The following PITPNC1 variants were observed in gnomAD, a reference collection of about 807,000 sequenced individuals.
PITPNC1 encodes the protein phosphatidylinositol transfer protein cytoplasmic 1, also known as cytoplasmic phosphatidylinositol transfer protein 1.
PITPNC1 carries 18 observed loss-of-function variants against 44.7 expected under a neutral mutation model. The ratio of observed to expected loss-of-function variants is 0.40; its 90% CI spans 0.28 to 0.60. PITPNC1 has a LOEUF of 0.60. Among genes scored for constraint, PITPNC1 ranks in the 20% least tolerant of loss-of-function variants. The pLI is 0.39. For missense variants in PITPNC1, 290 were observed against 418.4 expected (o/e 0.69, Z 2.68); for synonymous variants, 141 against 149.6 (o/e 0.94, Z 0.42).
chr17:67,447,733 G>A (rs1481923984), intron 1 of PITPNC1, among the ~76,000 whole-genome samples: 2 of 151,966 alleles, frequency 1.3e-5, no homozygotes, highest in Non-Finnish European at 2.9e-5. Flanking sequence ...GGTCTTACGC[G>A]ACAGTCCTTG....
At position 67,696,335 on chromosome 17, in the gene PITPNC1, T is replaced by A. The variant is rs535103155; in HGVS notation, c.*3447T>A. 1 of 152,360 alleles carries A rather than the reference T, an allele frequency of 6.6e-6. No homozygotes were observed. Among genetic ancestry groups the A allele is most frequent in the South Asian group, 2.1e-4 (1 of 4,830 alleles). The allele number at this position is 152,360 out of a possible 1,614,324, so 9.4% of individuals were successfully genotyped here. Reference sequence around the variant, plus strand: ...GGGCTAATGTATTTATGTGTATTTTTAAATTCTACTTTCTTTGGCATCTCT... The same window carrying A: ...GGGCTAATGTATTTATGTGTATTTTAAAATTCTACTTTCTTTGGCATCTCT... On this transcript the variant is annotated 3_prime_UTR_variant, in exon 9 of 9. Transcript: ENST00000581322.
chr17:67,386,544 C>T (rs2038056965), intron 1 of PITPNC1, among the ~76,000 whole-genome samples: 2 of 152,206 alleles, frequency 1.3e-5, no homozygotes, highest in African/African-American at 2.4e-5. Flanking sequence ...AGCTTCCCCT[C>T]TCCTAGGGAT....
At chr17:67,621,357 G>C (rs1220556718) in intron 5 of PITPNC1, among the ~76,000 whole-genome samples, 2 of 151,900 alleles carry the variant, frequency 1.3e-5, no homozygotes, top group Non-Finnish European at 2.9e-5. Flanking sequence ...ATAGGTGTGT[G>C]CTGCCACACC....
At chr17:67,421,016 T>G (rs143347479) in intron 1 of PITPNC1, among the ~76,000 whole-genome samples, 147 of 152,240 alleles carry the variant, frequency 9.7e-4, no homozygotes, top group African/African-American at 3.5e-3. Flanking sequence ...TCCAGTCTCT[T>G]TTGGGGGATC....
intron 5 of PITPNC1, among the ~76,000 whole-genome samples, chr17:67,616,865 C>T (rs1445255554): frequency 6.6e-6 from 1 of 152,150 alleles, no homozygotes; most frequent in Non-Finnish European, 1.5e-5. Context: ...TGTTAAACTT[C>T]GCAGATGAGC....
At chr17:67,614,095 A>AG (rs376345828) in intron 5 of PITPNC1, among the ~76,000 whole-genome samples, 44 of 151,760 alleles carry the variant, frequency 2.9e-4, no homozygotes, top group African/African-American at 1.0e-3. Context: ...TCAAAAAAAA[A>AG]GAAAAGAAAA....
rs71139161 is a variant in PITPNC1 at position 67,599,035 on chromosome 17, T to TATATATATATATATATATA, written c.366+20778_366+20779insATATATATATATATATATA. Among the ~76,000 whole-genome samples, 61 of 28,778 alleles carry TATATATATATATATATATA rather than the reference T, an allele frequency of 2.1e-3. 3 individuals are homozygous for TATATATATATATATATATA. The highest frequency in any genetic ancestry group is 4.9e-3 in the South Asian group (3 of 618). The allele number at this position is 28,778 out of a possible 152,430, so 18.9% of individuals were successfully genotyped here. ...ATATATATATATATATATATATATA[T>TATATATATATATATATATA]TTTTTTTTTTTTTTTTTTTACCATG... On this transcript the variant is annotated intron_variant, in intron 5 of 8. Coordinates refer to ENST00000581322, the MANE Select transcript of PITPNC1 (RefSeq NM_012417.4).
At position 67,573,698 on chromosome 17, in the gene PITPNC1, G is replaced by A. The variant is rs1016005103; in HGVS notation, c.295-4488G>A. Among the ~76,000 whole-genome samples, 3 of 151,650 alleles carry A rather than the reference G, an allele frequency of 2.0e-5. No individual in the cohort carries two copies. In the Admixed American group the frequency reaches 2.0e-4, roughly 10 times the overall value. ...CCCGCTCAGCCTCCCGAGTAGCTGGGATTACAGGCATCTGCCATCATGCCC... is the reference window on the plus strand; with the variant it reads ...CCCGCTCAGCCTCCCGAGTAGCTGGAATTACAGGCATCTGCCATCATGCCC... On this transcript the variant is annotated intron_variant, in intron 4 of 8. Coordinates refer to ENST00000581322, the MANE Select transcript of PITPNC1 (RefSeq NM_012417.4).
intron 1 of PITPNC1, among the ~76,000 whole-genome samples, chr17:67,514,499 A>C (rs891076448): frequency 6.6e-6 from 1 of 151,098 alleles, no homozygotes; most frequent in Non-Finnish European, 1.5e-5. Context: ...TGCCTGGCCA[A>C]ATTCACGGTT....
At chr17:67,432,299 C>T (rs1251966456) in intron 1 of PITPNC1, among the ~76,000 whole-genome samples, 1 of 152,118 alleles carries the variant, frequency 6.6e-6, no homozygotes, top group African/African-American at 2.4e-5. Flanking sequence ...ACCATCCTGG[C>T]TAACACGGTG....
At chr17:67,623,109 C>CA (rs1198070826) in intron 5 of PITPNC1, among the ~76,000 whole-genome samples, 30,436 of 85,038 alleles carry the variant, frequency 0.36, 4,212 homozygotes, top group East Asian at 0.45. Context: ...TCCCAAAAGC[C>CA]AAAAAAAAAA....
intron 2 of PITPNC1, among the ~76,000 whole-genome samples, chr17:67,547,668 A>T (rs1035202615): frequency 6.6e-6 from 1 of 152,190 alleles, no homozygotes; most frequent in African/African-American, 2.4e-5. Flanking sequence ...ATACATTGCA[A>T]TGTGAGATCA....
chr17:67,539,048 A>G (rs71382136), intron 2 of PITPNC1, among the ~76,000 whole-genome samples: 4,427 of 152,276 alleles, frequency 0.029, 92 homozygotes, highest in Middle Eastern at 0.058. Context: ...AGGAAATGAG[A>G]ATGGCTAATA....
chr17:67,505,962 A>G (rs1403731572), intron 1 of PITPNC1, among the ~76,000 whole-genome samples: 1 of 152,122 alleles, frequency 6.6e-6, no homozygotes, highest in Non-Finnish European at 1.5e-5. Flanking sequence ...GGAGCCTGCT[A>G]TCAAGCCTTG....
intron 5 of PITPNC1, among the ~76,000 whole-genome samples, chr17:67,631,647 A>ATAT (rs1172723407): frequency 0.01 from 88 of 8,768 alleles, 1 homozygote; most frequent in Middle Eastern, 0.062. Context: ...AAAAAAAAAA[A>ATAT]AAAAAAAAAA....
intron 5 of PITPNC1, among the ~76,000 whole-genome samples, chr17:67,622,524 T>TC (rs1485808575): frequency 1.3e-5 from 2 of 150,634 alleles, no homozygotes; most frequent in Non-Finnish European, 3.0e-5. Flanking sequence ...CTTTTTTTTT[T>TC]TTTTTTTTTT....
intron 5 of PITPNC1, among the ~76,000 whole-genome samples, chr17:67,608,234 T>TAAAAAAAAAAAA (rs150137801): frequency 8.2e-6 from 1 of 122,326 alleles, no homozygotes; most frequent in Admixed American, 8.2e-5. Context: ...AAATGTCAAT[T>TAAAAAAAAAAAA]AAAAAAAAAA....
chr17:67,686,994 C>T (rs2042827739), intron 8 of PITPNC1: 1 of 847,406 alleles, frequency 1.2e-6, no homozygotes, highest in African/African-American at 1.7e-5. Context: ...CAGCTACCAT[C>T]TTTCCCTAAA....
chr17:67,415,893 T>C (rs2038579642), intron 1 of PITPNC1, among the ~76,000 whole-genome samples: 1 of 141,878 alleles, frequency 7.0e-6, no homozygotes, highest in African/African-American at 2.7e-5. Flanking sequence ...CAGTGACTTT[T>C]GAAAATCACG....
Sources: gnomAD v4.1 joint callset for allele counts (sites outside exome capture counted in the v4.1 genomes callset) on GRCh38, gnomAD v4.1.1 for gene constraint, MANE v1.5 for transcripts, NCBI Gene and HGNC (gene_info 2026-07-23, HGNC 2026-07-21) for gene names.